CNTN5: variants seen among roughly 807,000 people sequenced by gnomAD.
CNTN5 encodes contactin-5.
A neutral mutation model predicts 129.1 loss-of-function variants in CNTN5; 77 were observed. That is an observed-to-expected ratio of 0.60 (90% CI 0.50 to 0.72). The LOEUF (loss-of-function observed/expected upper bound fraction) is 0.72, where lower values mean the gene tolerates loss of function less well. Ranked by LOEUF, CNTN5 falls within the 30% of genes least tolerant of loss-of-function variation. The pLI, the probability that CNTN5 is intolerant of heterozygous loss-of-function variation, is 0.00. For synonymous variants in CNTN5, 509 were observed against 465.6 expected (o/e 1.09, Z -1.20); for missense variants, 1,478 against 1,328.8 (o/e 1.11, Z -1.75).
chr11:100,042,287 T>C lies in CNTN5; in HGVS notation c.981-18925T>C, dbSNP rs571879097. ...AAAAAAAAGCCTTTGTCTCAATAGC[T>C]TTTCTTATGATAGCTTTTTATGTGC... On this transcript the variant is annotated intron_variant, in intron 9 of 24. Transcript: ENST00000524871. Among the ~76,000 whole-genome samples the C allele has an allele frequency of 2.5e-3, 377 of 152,222 alleles. 2 individuals are homozygous for C. Among genetic ancestry groups the C allele is most frequent in the Non-Finnish European group, 4.2e-3 (285 of 68,008 alleles).
chr11:99,697,589 G>A (rs2134840250), intron 3 of CNTN5, among the ~76,000 whole-genome samples: 1 of 151,410 alleles, frequency 6.6e-6, no homozygotes, highest in East Asian at 2.0e-4. Context: ...GGATCCTAAG[G>A]AGATGTGTTG....
Position 100,066,974 on chromosome 11 carries a change from C to T in CNTN5, c.1163-3450C>T, listed in dbSNP as rs184794409. Among the ~76,000 whole-genome samples the T allele has an allele frequency of 7.2e-5, 11 of 152,064 alleles. No individual in the cohort carries two copies. The East Asian group carries it at 2.1e-3, about 29-fold the overall frequency. ...CAGCCTAAGACAAATTATTTCAGGCCTTAATTCAGTTTTTAATGTTTTATT... is the reference window on the plus strand; with the variant it reads ...CAGCCTAAGACAAATTATTTCAGGCTTTAATTCAGTTTTTAATGTTTTATT... On this transcript the variant is annotated intron_variant, in intron 10 of 24. Transcript: ENST00000524871.
intron 9 of CNTN5, among the ~76,000 whole-genome samples, chr11:100,014,537 C>T (rs538594710): frequency 7.2e-5 from 11 of 152,000 alleles, no homozygotes; most frequent in South Asian, 4.2e-4. Flanking sequence ...GCCGAGATTG[C>T]GCCACTGCAC....
At chr11:99,104,234 T>A (rs1280387778) in intron 1 of CNTN5, among the ~76,000 whole-genome samples, 2 of 152,166 alleles carry the variant, frequency 1.3e-5, no homozygotes, top group African/African-American at 4.8e-5. Context: ...TTGTAGTTCA[T>A]GAAGAGCTCA....
At chr11:100,023,463 A>G (rs2137574833) in intron 9 of CNTN5, among the ~76,000 whole-genome samples, 1 of 152,312 alleles carries the variant, frequency 6.6e-6, no homozygotes, top group Admixed American at 6.5e-5. Context: ...ATCATCTACC[A>G]GGATGGTACA....
chr11:99,438,835 T>C (rs190183338), intron 2 of CNTN5, among the ~76,000 whole-genome samples: 72 of 152,194 alleles, frequency 4.7e-4, no homozygotes, highest in Non-Finnish European at 9.4e-4. Context: ...AAATCAACTT[T>C]ACACATTAAA....
chr11:99,262,492 C>A (rs532020915), intron 1 of CNTN5, among the ~76,000 whole-genome samples: 1 of 151,794 alleles, frequency 6.6e-6, no homozygotes, highest in Non-Finnish European at 1.5e-5. Flanking sequence ...AGGAGGACAG[C>A]TTTTATTTTG....
intron 3 of CNTN5, among the ~76,000 whole-genome samples, chr11:99,631,134 C>T (rs1212463350): frequency 1.3e-5 from 2 of 152,048 alleles, no homozygotes; most frequent in Non-Finnish European, 2.9e-5. Context: ...GAGTGCTTTT[C>T]AGTTTATTGA....
chr11:99,430,295 G>A (rs1943307747), intron 2 of CNTN5, among the ~76,000 whole-genome samples: 1 of 151,668 alleles, frequency 6.6e-6, no homozygotes, highest in Non-Finnish European at 1.5e-5. Context: ...AAAAACGAAA[G>A]GTTTCAGTAA....
intron 23 of CNTN5, among the ~76,000 whole-genome samples, chr11:100,342,152 G>C (rs201071060): frequency 2.0e-5 from 3 of 147,004 alleles, no homozygotes; most frequent in Admixed American, 6.8e-5. Context: ...ATAGATCACA[G>C]ACACACACAC....
Position 100,350,713 on chromosome 11 carries a change from G to A in CNTN5, c.3042G>A (p.Arg1014=). Reference sequence around the variant, plus strand: ...GTTATTACTCTCAGGTTTTTTATAGGCAAGAGGGTCACAGCAACAGCCAAG... The same window carrying A: ...GTTATTACTCTCAGGTTTTTTATAGACAAGAGGGTCACAGCAACAGCCAAG... ...SEVVGYKVFY[R]QEGHSNSQVI... The change falls in exon 24 of 25, where the codon AGG becomes AGA. Residue 1014 remains arginine (R), a synonymous_variant. Transcript: ENST00000524871. 6.2e-7 allele frequency: 1 copy of A among 1,602,718 alleles called. No homozygotes were observed. Among genetic ancestry groups the A allele is most frequent in the Non-Finnish European group, 8.5e-7 (1 of 1,173,838 alleles).
At chr11:99,827,787 G>A (rs1410192797) in intron 4 of CNTN5, among the ~76,000 whole-genome samples, 1 of 147,808 alleles carries the variant, frequency 6.8e-6, no homozygotes, top group East Asian at 1.9e-4. Context: ...ATAGTATAAT[G>A]TTAACAGTAA....
chr11:99,431,089 C>T (rs1398029300), intron 2 of CNTN5, among the ~76,000 whole-genome samples: 1 of 150,938 alleles, frequency 6.6e-6, no homozygotes, highest in African/African-American at 2.4e-5. Flanking sequence ...TCGGAACTCT[C>T]ATTCGGATTT....
intron 3 of CNTN5, among the ~76,000 whole-genome samples, chr11:99,611,059 T>C (rs1010047395): frequency 2.6e-5 from 4 of 152,154 alleles, no homozygotes; most frequent in Admixed American, 2.6e-4. Flanking sequence ...AGTAAAGGTC[T>C]CCATTCACTT....
At chr11:99,296,260 G>A (rs1864387002) in intron 1 of CNTN5, among the ~76,000 whole-genome samples, 1 of 152,074 alleles carries the variant, frequency 6.6e-6, no homozygotes, top group Non-Finnish European at 1.5e-5. Flanking sequence ...ACAGTTCCAG[G>A]AGTATGGAGG....
chr11:99,061,215 G>C (rs1057191408), intron 1 of CNTN5, among the ~76,000 whole-genome samples: 2 of 152,084 alleles, frequency 1.3e-5, no homozygotes, highest in Non-Finnish European at 2.9e-5. Context: ...GAAACACTTT[G>C]CATATCTACA....
chr11:100,273,556 C>T (rs1486056294), intron 18 of CNTN5, among the ~76,000 whole-genome samples: 5 of 152,150 alleles, frequency 3.3e-5, no homozygotes, highest in Non-Finnish European at 4.4e-5. Flanking sequence ...CTCCAGCTTG[C>T]AGAGCAGAGA....
chr11:100,074,095 G>C, intron 12 of CNTN5, 49 bp from the exon 13 acceptor site: 4 of 1,551,424 alleles, frequency 2.6e-6, no homozygotes, highest in Non-Finnish European at 2.6e-6. Context: ...ACCCATTAGA[G>C]ATTATTGTCA....
At chr11:100,197,458 T>G (rs1021589669) in intron 15 of CNTN5, among the ~76,000 whole-genome samples, 21 of 151,944 alleles carry the variant, frequency 1.4e-4, no homozygotes, top group African/African-American at 4.6e-4. Context: ...AAGGAGATAA[T>G]CGTTGTAAGT....
Sources: gnomAD v4.1 joint callset for allele counts (sites outside exome capture counted in the v4.1 genomes callset) on GRCh38, gnomAD v4.1.1 for gene constraint, MANE v1.5 for transcripts, NCBI Gene and HGNC (gene_info 2026-07-23, HGNC 2026-07-21) for gene names.